The following KCTD8 variants were observed in gnomAD, a reference collection of about 807,000 sequenced individuals.
The protein encoded by KCTD8 is BTB/POZ domain-containing protein KCTD8.
In KCTD8, 27 loss-of-function variants were observed where a neutral mutation model predicts 31.5. The ratio of observed to expected loss-of-function variants is 0.86; its 90% CI spans 0.63 to 1.18. KCTD8 has a LOEUF of 1.18. Among genes scored for constraint, KCTD8 ranks in the 50% most tolerant of loss-of-function variants. KCTD8 has a pLI of 0.00. For synonymous variants in KCTD8, 290 were observed against 280.0 expected, an observed-to-expected ratio of 1.04 and a Z score of -0.36; for missense variants, 658 against 647.7, an observed-to-expected ratio of 1.02 and a Z score of -0.17.
At chr4:44,409,613 C>T (rs1015823219) in intron 1 of KCTD8, among the ~76,000 whole-genome samples, 20 of 151,840 alleles carry the variant, frequency 1.3e-4, no homozygotes, top group African/African-American at 4.6e-4. Context: ...TTTTAAGGAA[C>T]GTACTACAGA....
intron 1 of KCTD8, among the ~76,000 whole-genome samples, chr4:44,189,137 C>G (rs2109333981): frequency 6.6e-6 from 1 of 152,284 alleles, no homozygotes; most frequent in East Asian, 1.9e-4. Flanking sequence ...TTTGCAGGCT[C>G]TATCGAATTA....
chr4:44,344,534 G>C (rs970999587), intron 1 of KCTD8, among the ~76,000 whole-genome samples: 13 of 152,124 alleles, frequency 8.5e-5, no homozygotes, highest in Non-Finnish European at 1.5e-4. Flanking sequence ...AACTACTATG[G>C]AACTGTCAGT....
At chr4:44,389,143 T>C (rs190507663) in intron 1 of KCTD8, among the ~76,000 whole-genome samples, 38 of 151,660 alleles carry the variant, frequency 2.5e-4, no homozygotes, top group African/African-American at 9.2e-4. Context: ...GGTGAGGATG[T>C]TGTAAGGAGG....
chr4:44,181,056 T>TACATAGTAAGA (rs1713368639), intron 1 of KCTD8, among the ~76,000 whole-genome samples: 2 of 152,182 alleles, frequency 1.3e-5, no homozygotes, highest in African/African-American at 4.8e-5. Flanking sequence ...CATCTATTCT[T>TACATAGTAAGA]ACTGGTGAAT....
At chr4:44,332,121 G>A (rs1311430846) in intron 1 of KCTD8, among the ~76,000 whole-genome samples, 3 of 151,874 alleles carry the variant, frequency 2.0e-5, no homozygotes, top group Non-Finnish European at 4.4e-5. Flanking sequence ...GTAATCAGAG[G>A]TGTAAATTTC....
intron 1 of KCTD8, among the ~76,000 whole-genome samples, chr4:44,371,369 A>G (rs1355899239): frequency 6.6e-6 from 1 of 152,214 alleles, no homozygotes; most frequent in Non-Finnish European, 1.5e-5. Flanking sequence ...AAAATTAGCC[A>G]TTACAACCAC....
At chr4:44,441,551 T>C (rs1721811582) in intron 1 of KCTD8, among the ~76,000 whole-genome samples, 2 of 152,200 alleles carry the variant, frequency 1.3e-5, no homozygotes. Context: ...GACACTGAAA[T>C]ATATTTGCCA....
chr4:44,294,363 A>AACACATTCTGCCCAAAGATTTC (rs1218894746), intron 1 of KCTD8, among the ~76,000 whole-genome samples: 1 of 152,186 alleles, frequency 6.6e-6, no homozygotes, highest in African/African-American at 2.4e-5. Flanking sequence ...GGTACATAAA[A>AACACATTCTGCCCAAAGATTTC]ACACATTCTG....
chr4:44,296,049 G>C (rs80180052), intron 1 of KCTD8, among the ~76,000 whole-genome samples: 4 of 152,130 alleles, frequency 2.6e-5, no homozygotes, highest in African/African-American at 9.6e-5. Context: ...AATTCTTATA[G>C]GATCATATTT....
intron 1 of KCTD8, among the ~76,000 whole-genome samples, chr4:44,235,320 T>C (rs1715243654): frequency 6.7e-6 from 1 of 149,598 alleles, no homozygotes; most frequent in African/African-American, 2.5e-5. Context: ...AGTAGCAAAA[T>C]TGAGATTTAA....
intron 1 of KCTD8, among the ~76,000 whole-genome samples, chr4:44,267,641 C>A (rs1446503301): frequency 1.3e-5 from 2 of 152,004 alleles, no homozygotes; most frequent in African/African-American, 2.4e-5. Flanking sequence ...AATTGATAGA[C>A]CGCTAGCAAG....
At chr4:44,203,850 T>C (rs1017845358) in intron 1 of KCTD8, among the ~76,000 whole-genome samples, 1 of 151,496 alleles carries the variant, frequency 6.6e-6, no homozygotes, top group African/African-American at 2.4e-5. Context: ...TTCTGAAATA[T>C]ATAAATTACC....
chr4:44,407,601 G>T (rs1252366138), intron 1 of KCTD8, among the ~76,000 whole-genome samples: 4 of 151,870 alleles, frequency 2.6e-5, no homozygotes, highest in African/African-American at 7.3e-5. Flanking sequence ...GGTCAGGCTG[G>T]TCTCAAACCC....
intron 1 of KCTD8, among the ~76,000 whole-genome samples, chr4:44,204,674 G>A (rs1045994975): frequency 1.3e-5 from 2 of 152,170 alleles, no homozygotes; most frequent in South Asian, 4.1e-4. Flanking sequence ...TATCTGAGGG[G>A]TTTTGTCTGT....
At chr4:44,377,378 C>T in intron 1 of KCTD8, among the ~76,000 whole-genome samples, 1 of 152,160 alleles carries the variant, frequency 6.6e-6, no homozygotes, top group African/African-American at 2.4e-5. Context: ...TAAGAGAAAG[C>T]ACACTGGCAA....
chr4:44,242,452 C>T (rs1715531913), intron 1 of KCTD8, among the ~76,000 whole-genome samples: 1 of 152,006 alleles, frequency 6.6e-6, no homozygotes, highest in Non-Finnish European at 1.5e-5. Context: ...GTGGCTGGCT[C>T]CTGTAGTCCC....
intron 1 of KCTD8, among the ~76,000 whole-genome samples, chr4:44,441,019 C>T (rs1322335474): frequency 6.6e-6 from 1 of 152,114 alleles, no homozygotes; most frequent in Non-Finnish European, 1.5e-5. Context: ...ATTTGTATGA[C>T]AATCAGACAC....
intron 1 of KCTD8, among the ~76,000 whole-genome samples, chr4:44,324,137 T>C (rs1292503604): frequency 6.7e-6 from 1 of 148,710 alleles, no homozygotes; most frequent in Admixed American, 6.7e-5. Flanking sequence ...TTAGAGCAAA[T>C]AGAGGGCTAA....
intron 1 of KCTD8, among the ~76,000 whole-genome samples, chr4:44,266,595 T>G (rs1421883997): frequency 6.6e-6 from 1 of 150,958 alleles, no homozygotes; most frequent in African/African-American, 2.4e-5. Flanking sequence ...AGACACAGAC[T>G]GGCAAATTGG....
Sources: gnomAD v4.1 joint callset for allele counts (sites outside exome capture counted in the v4.1 genomes callset) on GRCh38, gnomAD v4.1.1 for gene constraint, MANE v1.5 for transcripts, NCBI Gene and HGNC (gene_info 2026-07-23, HGNC 2026-07-21) for gene names.